LGR4: variants seen among roughly 807,000 people sequenced by gnomAD.
The protein encoded by LGR4 is leucine rich repeat containing G protein-coupled receptor 4.
Under a neutral mutation model 84.8 loss-of-function variants are expected in LGR4, and 44 were observed. That is an observed-to-expected ratio of 0.52 (90% confidence interval 0.41 to 0.67). The LOEUF is 0.67. Among genes scored for constraint, LGR4 ranks in the 30% least tolerant of loss-of-function variants. The pLI, the probability that LGR4 is intolerant of heterozygous loss-of-function variation, is 0.00. For synonymous variants in LGR4, 429 were observed against 434.3 expected (o/e 0.99, Z 0.15); for missense variants, 1,032 against 1,131.4 (o/e 0.91, Z 1.26).
chr11:27,423,119 A>T (rs577469445), intron 1 of LGR4, among the ~76,000 whole-genome samples: 29 of 152,272 alleles, frequency 1.9e-4, no homozygotes, highest in Non-Finnish European at 3.1e-4. Flanking sequence ...AACACAAAAA[A>T]CCTACACTCC....
chr11:27,368,639 G>A lies in LGR4; in HGVS notation c.2084C>T (p.Pro695Leu). ...GEYSASPLCL[P>L]FPTGETPSLG... ...TGATGGCGTTTCACCTGTAGGAAAT[G>A]GCAAACAAAGGGGTGATGCAGAATA... The change falls in exon 18 of 18, where the codon CCA (proline) becomes CTA (leucine). Residue 695 changes from proline (P) to leucine (L), a missense_variant. Pro to Leu is a moderately conservative substitution (Grantham distance 98, BLOSUM62 -3). Transcript: ENST00000379214. 6.2e-7 allele frequency: 1 copy of A among 1,613,958 alleles called. No individual in the cohort carries two copies. Among genetic ancestry groups the A allele is most frequent in the South Asian group, 1.1e-5 (1 of 91,032 alleles).
intron 2 of LGR4, among the ~76,000 whole-genome samples, chr11:27,398,992 C>T (rs1409598315): frequency 1.3e-5 from 2 of 151,968 alleles, no homozygotes; most frequent in Non-Finnish European, 1.5e-5. Flanking sequence ...CTGCAACTGC[C>T]GCCTCCCAGG....
At chr11:27,401,274 T>C (rs1218283482) in intron 2 of LGR4, among the ~76,000 whole-genome samples, 1 of 152,234 alleles carries the variant, frequency 6.6e-6, no homozygotes, top group Non-Finnish European at 1.5e-5. Flanking sequence ...AGAACTCTTC[T>C]ACCTACTAAA....
chr11:27,385,682 A>G (rs1364475599), intron 4 of LGR4: 1 of 395,572 alleles, frequency 2.5e-6, no homozygotes, highest in East Asian at 3.7e-5. Flanking sequence ...AATGGCATGT[A>G]TCCAAATCTA....
At chr11:27,412,256 CTTAAAG>C (rs1486279275) in intron 2 of LGR4, among the ~76,000 whole-genome samples, 4 of 152,102 alleles carry the variant, frequency 2.6e-5, no homozygotes, top group Admixed American at 2.0e-4. Flanking sequence ...CAGAAACATT[CTTAAAG>C]TTAAAGGTGC....
intron 1 of LGR4, among the ~76,000 whole-genome samples, chr11:27,471,309 T>C (rs1159088221): frequency 6.6e-6 from 1 of 152,220 alleles, no homozygotes; most frequent in African/African-American, 2.4e-5. Flanking sequence ...TGAAGGTGCA[T>C]TAGAAACCTG....
At chr11:27,409,761 T>A (rs1863675885) in intron 2 of LGR4, among the ~76,000 whole-genome samples, 1 of 152,156 alleles carries the variant, frequency 6.6e-6, no homozygotes, top group African/African-American at 2.4e-5. Flanking sequence ...TTCCACATAC[T>A]ATGAAGTTCT....
chr11:27,394,549 C>A (rs1192839644), intron 2 of LGR4, among the ~76,000 whole-genome samples: 1 of 152,038 alleles, frequency 6.6e-6, no homozygotes, highest in Non-Finnish European at 1.5e-5. Context: ...ATTACAAACG[C>A]CCACCACCAC....
At chr11:27,429,151 A>T (rs1864073116) in intron 1 of LGR4, among the ~76,000 whole-genome samples, 2 of 152,136 alleles carry the variant, frequency 1.3e-5, no homozygotes, top group Admixed American at 6.5e-5. Context: ...AAATAAAGAA[A>T]ATGGCTGAGA....
chr11:27,455,216 A>G (rs1864552245), intron 1 of LGR4, among the ~76,000 whole-genome samples: 1 of 152,090 alleles, frequency 6.6e-6, no homozygotes, highest in African/African-American at 2.4e-5. Flanking sequence ...TATTTTTTGT[A>G]CAGATGGGGT....
intron 1 of LGR4, among the ~76,000 whole-genome samples, chr11:27,444,855 T>C (rs1215393033): frequency 1.3e-5 from 2 of 152,208 alleles, no homozygotes; most frequent in Non-Finnish European, 2.9e-5. Context: ...ACAAGTATCC[T>C]GAGTGACAGC....
At chr11:27,383,376 G>A (rs1268836465) in intron 6 of LGR4, among the ~76,000 whole-genome samples, 1 of 152,116 alleles carries the variant, frequency 6.6e-6, no homozygotes, top group Non-Finnish European at 1.5e-5. Context: ...TAACATAATT[G>A]AAATAGTGTA....
At chr11:27,410,355 A>G (rs368082109) in intron 2 of LGR4, among the ~76,000 whole-genome samples, 2 of 152,114 alleles carry the variant, frequency 1.3e-5, no homozygotes, top group African/African-American at 4.8e-5. Context: ...CAAGCATTCT[A>G]TCACATTTAA....
chr11:27,456,631 A>G (rs1228691941), intron 1 of LGR4, among the ~76,000 whole-genome samples: 1 of 152,192 alleles, frequency 6.6e-6, no homozygotes, highest in Non-Finnish European at 1.5e-5. Context: ...TATACCATGT[A>G]AGTGAAGTCC....
rs2133362873 is a variant in LGR4 at position 27,373,690 on chromosome 11, G to A, written c.1254-14C>T. On this transcript the variant is annotated splice_polypyrimidine_tract_variant and intron_variant, in intron 14 of 17. Coordinates refer to ENST00000379214, the MANE Select transcript of LGR4 (RefSeq NM_018490.5). ...AAACTTACATCTCTAAAATATGAAT[G>A]AGACTTCAAGTTAATGCCCAATATA... is the stretch of plus-strand genomic sequence containing the variant. The A allele has an allele frequency of 6.4e-7, 1 of 1,555,410 alleles. No individual in the cohort carries two copies.
At chr11:27,439,606 C>T (rs1001920689) in intron 1 of LGR4, among the ~76,000 whole-genome samples, 10 of 152,132 alleles carry the variant, frequency 6.6e-5, no homozygotes, top group Non-Finnish European at 1.5e-4. Flanking sequence ...AGTGAAATTG[C>T]TGGGCCATAT....
In LGR4 at chr11:27,366,299, T is replaced by C. The variant is rs1862763686; in HGVS notation, c.*1568A>G. The C allele has an allele frequency of 6.6e-6, 1 of 152,550 alleles. No homozygotes were observed. The highest frequency in any genetic ancestry group is 1.5e-5 in the Non-Finnish European group (1 of 67,956). 9.4% of individuals were successfully genotyped at this position (152,550 alleles called of 1,614,324 possible). ...TGATATACAAAGATTCTGTTTTTAT[T>C]ACACTGACAATGTACAACAAAGACT... is the stretch of plus-strand genomic sequence containing the variant. On this transcript the variant is annotated 3_prime_UTR_variant, in exon 18 of 18. Transcript: ENST00000379214.
chr11:27,395,224 C>CA (rs1863366312), intron 2 of LGR4, among the ~76,000 whole-genome samples: 2 of 152,014 alleles, frequency 1.3e-5, no homozygotes, highest in South Asian at 2.1e-4. Flanking sequence ...TAGAGTCCTC[C>CA]AAAAAAGAAA....
At chr11:27,443,625 T>A (rs1394439980) in intron 1 of LGR4, among the ~76,000 whole-genome samples, 1 of 152,220 alleles carries the variant, frequency 6.6e-6, no homozygotes, top group African/African-American at 2.4e-5. Flanking sequence ...TAGGTATTTA[T>A]ATACATATAC....
Sources: gnomAD v4.1 joint callset for allele counts (sites outside exome capture counted in the v4.1 genomes callset) on GRCh38, gnomAD v4.1.1 for gene constraint, MANE v1.5 for transcripts, NCBI Gene and HGNC (gene_info 2026-07-23, HGNC 2026-07-21) for gene names.